PPP4R3A: variants seen among roughly 807,000 people sequenced by gnomAD.
The protein encoded by PPP4R3A is protein phosphatase 4 regulatory subunit 3A.
In PPP4R3A, 15 loss-of-function variants were observed where a neutral mutation model predicts 91.7. The ratio of observed to expected loss-of-function variants is 0.16; its 90% CI spans 0.11 to 0.25. PPP4R3A has a LOEUF of 0.25. Ranked by LOEUF, PPP4R3A falls within the 10% of genes least tolerant of loss-of-function variation. The probability of loss-of-function intolerance (pLI) is 1.00; values close to 1 mark genes in which losing one functional copy is unlikely to be tolerated. For missense variants in PPP4R3A, 623 were observed against 998.4 expected (o/e 0.62, Z 5.07); for synonymous variants, 377 against 348.7 (o/e 1.08, Z -0.91).
At chr14:91,463,445 T>G (rs1317786519) in intron 11 of PPP4R3A, among the ~76,000 whole-genome samples, 6 of 152,042 alleles carry the variant, frequency 3.9e-5, no homozygotes, top group African/African-American at 1.2e-4. Flanking sequence ...GGTATGTGTA[T>G]TTTTTAGAGA....
intron 2 of PPP4R3A, among the ~76,000 whole-genome samples, chr14:91,490,432 T>G (rs1386560607): frequency 1.3e-5 from 2 of 152,174 alleles, no homozygotes; most frequent in Non-Finnish European, 2.9e-5. Flanking sequence ...AACAGGAATT[T>G]TCACCATTTA....
intron 4 of PPP4R3A, 88 bp from the exon 5 acceptor site, chr14:91,477,074 A>T: frequency 9.8e-7 from 1 of 1,019,678 alleles, no homozygotes; most frequent in Non-Finnish European, 1.4e-6. Flanking sequence ...ACACAGCAAT[A>T]ACTATAAAAA....
At chr14:91,468,830 T>A (rs1174234924) in intron 10 of PPP4R3A, among the ~76,000 whole-genome samples, 1 of 151,896 alleles carries the variant, frequency 6.6e-6, no homozygotes, top group African/African-American at 2.4e-5. Context: ...TTACCAATTG[T>A]GTGAAATTTT....
In PPP4R3A at chr14:91,507,475, CTATAGTTA is replaced by C. The variant is rs1231425881; in HGVS notation, c.142+2023_142+2030del. ...AGTATATATACTATAATTATATATA[CTATAGTTA>C]TATATACTATATAGAATATATGCTA... is the stretch of plus-strand genomic sequence containing the variant. On this transcript the variant is annotated intron_variant, in intron 1 of 14. Coordinates refer to ENST00000554943, the MANE Select transcript of PPP4R3A (RefSeq NM_001366432.2). Among the ~76,000 whole-genome samples the C allele has an allele frequency of 1.1e-4, 14 of 128,996 alleles. No individual in the cohort carries two copies. The East Asian group carries it at 1.6e-3, about 15-fold the overall frequency. The allele number at this position is 128,996 out of a possible 152,430, so 84.6% of individuals were successfully genotyped here.
intron 1 of PPP4R3A, among the ~76,000 whole-genome samples, chr14:91,495,372 T>C (rs1349062688): frequency 6.6e-6 from 1 of 151,540 alleles, no homozygotes; most frequent in Non-Finnish European, 1.5e-5. Flanking sequence ...TGGAGTGCAG[T>C]GGCGTGATCT....
chr14:91,467,935 C>T (rs1269550735), intron 10 of PPP4R3A, among the ~76,000 whole-genome samples: 3 of 152,144 alleles, frequency 2.0e-5, no homozygotes, highest in Non-Finnish European at 2.9e-5. Flanking sequence ...CTTCAATGTA[C>T]ACTTTTTTTC....
rs570990772 is a variant in PPP4R3A at position 91,502,375 on chromosome 14, A to G, written c.142+7131T>C. On this transcript the variant is annotated intron_variant, in intron 1 of 14. Transcript: ENST00000554943. ...TAAGAGTTTGAGGCTGCAGTGAGCT[A>G]TGATCGTGGCACTGCACTCCAGCCT... Among the ~76,000 whole-genome samples the G allele has an allele frequency of 7.9e-5, 12 of 152,278 alleles. No homozygotes were observed. The South Asian group carries it at 2.1e-3, about 26-fold the overall frequency.
At position 91,457,729 on chromosome 14, in the gene PPP4R3A, CTT is replaced by C. The variant is rs1887852542; in HGVS notation, c.*1028_*1029del. The C allele has an allele frequency of 6.6e-6, 1 of 152,578 alleles. No homozygotes were observed. The highest frequency in any genetic ancestry group is 1.5e-5 in the Non-Finnish European group (1 of 68,018). 9.5% of individuals were successfully genotyped at this position (152,578 alleles called of 1,614,324 possible). A position where few individuals can be genotyped will look rare whatever the true frequency, so the allele number is the denominator to read the frequency against. On this transcript the variant is annotated 3_prime_UTR_variant, in exon 15 of 15. Transcript: ENST00000554943. ...CCCAAGAAAAGAAATTTCAGAATCT[CTT>C]TGGAATACTAATTTCATGTTTCTAG...
chr14:91,472,887 AC>A lies in PPP4R3A; in HGVS notation c.1501+145del. On this transcript the variant is annotated intron_variant, in intron 9 of 14. Coordinates refer to ENST00000554943, the MANE Select transcript of PPP4R3A (RefSeq NM_001366432.2). Reference sequence around the variant, plus strand: ...CCTCTATGTTAACCTGATGGTTTGAACTTTTAAAGACTACTACTTTTTAAAA... The same window carrying A: ...CCTCTATGTTAACCTGATGGTTTGAATTTTAAAGACTACTACTTTTTAAAA... 7 of 684,264 alleles carry A rather than the reference AC, an allele frequency of 1.0e-5. No homozygotes were observed. The South Asian group carries it at 1.4e-4, about 13-fold the overall frequency. The allele number at this position is 684,264 out of a possible 1,614,324, so 42.4% of individuals were successfully genotyped here. A position where few individuals can be genotyped will look rare whatever the true frequency, so the allele number is the denominator to read the frequency against.
intron 1 of PPP4R3A, among the ~76,000 whole-genome samples, chr14:91,504,488 G>T (rs991282637): frequency 6.6e-6 from 1 of 151,914 alleles, no homozygotes; most frequent in Non-Finnish European, 1.5e-5. Context: ...TGTAATGTCA[G>T]CTACTCGTAA....
intron 1 of PPP4R3A, among the ~76,000 whole-genome samples, chr14:91,496,581 C>T (rs912122138): frequency 9.9e-5 from 15 of 152,200 alleles, no homozygotes; most frequent in Non-Finnish European, 1.5e-5. Context: ...GACGTACTCC[C>T]TTCCAAAGTT....
At chr14:91,481,370 C>T (rs892999742) in intron 4 of PPP4R3A, among the ~76,000 whole-genome samples, 1 of 152,160 alleles carries the variant, frequency 6.6e-6, no homozygotes. Context: ...TTTCTTCAAA[C>T]TACATTTGTC....
At chr14:91,463,621 T>C (rs1343272486) in intron 11 of PPP4R3A, among the ~76,000 whole-genome samples, 1 of 151,984 alleles carries the variant, frequency 6.6e-6, no homozygotes, top group Non-Finnish European at 1.5e-5. Flanking sequence ...AAAATTTTTG[T>C]AGAGATGGGG....
chr14:91,493,927 G>A (rs936264468), intron 1 of PPP4R3A, among the ~76,000 whole-genome samples: 1 of 150,248 alleles, frequency 6.7e-6, no homozygotes, highest in Admixed American at 6.6e-5. Context: ...ACCATGCCTG[G>A]CTAATTTTGT....
intron 4 of PPP4R3A, among the ~76,000 whole-genome samples, chr14:91,479,293 C>CGTGTGT (rs3029507): frequency 0.12 from 16,956 of 144,064 alleles, 1,314 homozygotes; most frequent in African/African-American, 0.21. Flanking sequence ...TAAAAAACAA[C>CGTGTGT]GTGTGTGTGT....
intron 10 of PPP4R3A, among the ~76,000 whole-genome samples, chr14:91,469,015 G>C (rs1377669956): frequency 2.7e-5 from 4 of 148,864 alleles, no homozygotes; most frequent in Admixed American, 6.8e-5. Flanking sequence ...TAGTACACCA[G>C]ATATAAGATA....
chr14:91,465,745 C>T (rs1157144966), intron 10 of PPP4R3A, among the ~76,000 whole-genome samples: 1 of 152,158 alleles, frequency 6.6e-6, no homozygotes, highest in East Asian at 1.9e-4. Context: ...ACCTATCACA[C>T]TACTTAAGAT....
chr14:91,477,078 A>AT, intron 4 of PPP4R3A, 92 bp from the exon 5 acceptor site: 2 of 934,538 alleles, frequency 2.1e-6, no homozygotes, highest in Non-Finnish European at 3.1e-6. Flanking sequence ...AGCAATAACT[A>AT]TAAAAAGGAA....
rs1566663007 is a variant in PPP4R3A at position 91,509,718 on chromosome 14, G to A, written c.-71C>T. On this transcript the variant is annotated 5_prime_UTR_variant, in exon 1 of 15. Coordinates refer to ENST00000554943, the MANE Select transcript of PPP4R3A (RefSeq NM_001366432.2). ...AGGAAAGGGGCCCTGGAGAGGCGAGGGGCGAGGCGTGAGGGCGCCCGCGAG... is the reference window on the plus strand; with the variant it reads ...AGGAAAGGGGCCCTGGAGAGGCGAGAGGCGAGGCGTGAGGGCGCCCGCGAG... 1.2e-5 allele frequency: 17 copies of A among 1,475,870 alleles called. No homozygotes were observed. Among genetic ancestry groups the A allele is most frequent in the Non-Finnish European group, 1.1e-5 (12 of 1,121,062 alleles). The allele number at this position is 1,475,870 out of a possible 1,614,324, so 91.4% of individuals were successfully genotyped here. A position where few individuals can be genotyped will look rare whatever the true frequency, so the allele number is the denominator to read the frequency against.
Sources: allele counts gnomAD v4.1 joint callset (sites outside exome capture counted in the v4.1 genomes callset), GRCh38; gene constraint gnomAD v4.1.1; transcripts MANE v1.5; gene names NCBI Gene and HGNC (gene_info 2026-07-23, HGNC 2026-07-21).